The following DCDC2C variants were observed in gnomAD, a reference collection of about 807,000 sequenced individuals.
DCDC2C encodes doublecortin domain containing 2C.
A neutral mutation model predicts 45.0 loss-of-function variants in DCDC2C; 44 were observed. That is an observed-to-expected ratio of 0.98 (90% CI 0.77 to 1.26). DCDC2C has a LOEUF of 1.26. Ranked by LOEUF, DCDC2C falls within the 50% of genes most tolerant of loss-of-function variation. The pLI is 0.00. For synonymous variants in DCDC2C, 187 were observed against 178.8 expected (o/e 1.05, Z -0.37); for missense variants, 447 against 468.9 (o/e 0.95, Z 0.43).
At chr2:3,840,774 C>T (rs556567096) in intron 10 of DCDC2C, among the ~76,000 whole-genome samples, 3 of 152,348 alleles carry the variant, frequency 2.0e-5, no homozygotes, top group Admixed American at 1.3e-4. Context: ...TGCTCACTCA[C>T]GGAGACCTCT....
intron 5 of DCDC2C, among the ~76,000 whole-genome samples, chr2:3,754,217 G>A (rs1669620581): frequency 6.6e-6 from 1 of 152,210 alleles, no homozygotes; most frequent in African/African-American, 2.4e-5. Flanking sequence ...CCAAGGAGGT[G>A]CTCTGAATTT....
intron 2 of DCDC2C, among the ~76,000 whole-genome samples, chr2:3,711,647 G>A (rs952825601): frequency 2.0e-5 from 3 of 152,176 alleles, no homozygotes; most frequent in African/African-American, 7.2e-5. Context: ...ATTCCACCAT[G>A]TGAGTTTATC....
At chr2:3,831,989 C>T (rs1022942706) in intron 10 of DCDC2C, among the ~76,000 whole-genome samples, 2 of 152,204 alleles carry the variant, frequency 1.3e-5, no homozygotes, top group African/African-American at 2.4e-5. Context: ...GCGTCATGTG[C>T]AGGAATCAGT....
rs2148091126 is a variant in DCDC2C at position 3,734,398 on chromosome 2, T to C, written c.416+7319T>C. Among the ~76,000 whole-genome samples, 1 of 152,216 alleles carries C rather than the reference T, an allele frequency of 6.6e-6. No individual in the cohort carries two copies. The highest frequency in any genetic ancestry group is 2.1e-4 in the South Asian group (1 of 4,824). ...GCAGAGGGGTTTCTGATGAATCTAATCTAGGATGAGACAATCATCTGATGT... is the reference window on the plus strand; with the variant it reads ...GCAGAGGGGTTTCTGATGAATCTAACCTAGGATGAGACAATCATCTGATGT... On this transcript the variant is annotated intron_variant, in intron 3 of 10. Transcript: ENST00000399143. This position sits in a 1 kb window ranked among gnomAD's most constrained non-coding sequence, Gnocchi z 4.2.
At chr2:3,730,384 T>C (rs977762641) in intron 3 of DCDC2C, among the ~76,000 whole-genome samples, 11 of 152,248 alleles carry the variant, frequency 7.2e-5, no homozygotes, top group Non-Finnish European at 1.6e-4. Flanking sequence ...AGTGCTTTTC[T>C]GGAGGTTGTA....
At chr2:3,834,671 G>T (rs985999380) in intron 10 of DCDC2C, among the ~76,000 whole-genome samples, 1 of 152,200 alleles carries the variant, frequency 6.6e-6, no homozygotes, top group South Asian at 2.1e-4. Flanking sequence ...TAGTATTTAA[G>T]ATTCCCATTC....
chr2:3,776,993 T>A (rs1466297319), intron 8 of DCDC2C, among the ~76,000 whole-genome samples: 1 of 152,104 alleles, frequency 6.6e-6, no homozygotes, highest in Non-Finnish European at 1.5e-5. Flanking sequence ...GTCTGGAATC[T>A]CTCCACCCCT....
At chr2:3,826,641 TTC>T (rs1671823664) in intron 10 of DCDC2C, among the ~76,000 whole-genome samples, 1 of 152,130 alleles carries the variant, frequency 6.6e-6, no homozygotes, top group Non-Finnish European at 1.5e-5. Context: ...AGGCTGCATC[TTC>T]TGAGGTTCGA....
intron 5 of DCDC2C, 36 bp downstream of exon 5, chr2:3,752,936 G>C: frequency 6.5e-7 from 1 of 1,533,464 alleles, no homozygotes; most frequent in Non-Finnish European, 8.8e-7. Context: ...CCTGAGTTTT[G>C]GAAAAAAATT....
In DCDC2C at chr2:3,732,914, A is replaced by G. The variant is rs145410493; in HGVS notation, c.416+5835A>G. 1.6e-4 allele frequency among the ~76,000 whole-genome samples: 24 copies of G among 152,346 alleles called. No individual in the cohort carries two copies. The East Asian group carries it at 4.6e-3, about 29-fold the overall frequency. On this transcript the variant is annotated intron_variant, in intron 3 of 10. Transcript: ENST00000399143. ...ATGTGGGCTCTTCCTGAGGTGCCTGATGACTGAGGGTGTAATGGCAATGCA... is the reference window on the plus strand; with the variant it reads ...ATGTGGGCTCTTCCTGAGGTGCCTGGTGACTGAGGGTGTAATGGCAATGCA...
At chr2:3,748,370 T>TGGGGGG (rs1669436244) in intron 4 of DCDC2C, among the ~76,000 whole-genome samples, 1 of 4,376 alleles carries the variant, frequency 2.3e-4, no homozygotes, top group Non-Finnish European at 4.3e-4. Flanking sequence ...GGGGTGGGGG[T>TGGGGGG]GGGGAGTGTG....
intron 3 of DCDC2C, among the ~76,000 whole-genome samples, chr2:3,732,096 G>A (rs1319928140): frequency 1.3e-5 from 2 of 152,172 alleles, no homozygotes; most frequent in East Asian, 1.9e-4. Flanking sequence ...CAGGCAGATC[G>A]AGATGGAGGG....
At chr2:3,728,517 C>T (rs1053770336) in intron 3 of DCDC2C, among the ~76,000 whole-genome samples, 1 of 152,120 alleles carries the variant, frequency 6.6e-6, no homozygotes, top group African/African-American at 2.4e-5. Context: ...TGACCCAGGC[C>T]ATCAATGATC....
Position 3,785,125 on chromosome 2 carries a change from A to G in DCDC2C, c.1065+25A>G, listed in dbSNP as rs1670615985. The G allele has an allele frequency of 9.7e-6, 12 of 1,231,422 alleles. No homozygotes were observed. The African/African-American group carries it at 1.1e-4, about 11-fold the overall frequency. The allele number at this position is 1,231,422 out of a possible 1,614,324, so 76.3% of individuals were successfully genotyped here. On this transcript the variant is annotated intron_variant, in intron 10 of 10. Coordinates refer to ENST00000399143, the MANE Select transcript of DCDC2C (RefSeq NM_001287444.2). ...GGTTTGTATCAACAACAAATGCTGTAGTTTTGCGTTTTCTATTCTGAAGAC... is the reference window on the plus strand; with the variant it reads ...GGTTTGTATCAACAACAAATGCTGTGGTTTTGCGTTTTCTATTCTGAAGAC...
intron 3 of DCDC2C, among the ~76,000 whole-genome samples, chr2:3,736,974 C>T (rs1275757852): frequency 6.6e-6 from 1 of 152,186 alleles, no homozygotes; most frequent in African/African-American, 2.4e-5. Context: ...GCAGATAAGG[C>T]AGGCAGTCAT....
intron 8 of DCDC2C, among the ~76,000 whole-genome samples, chr2:3,777,091 C>T (rs889567940): frequency 3.3e-5 from 5 of 152,296 alleles, no homozygotes; most frequent in African/African-American, 9.6e-5. Context: ...CATGCACTGA[C>T]CCCCAGCAAC....
intron 8 of DCDC2C, among the ~76,000 whole-genome samples, chr2:3,769,650 G>A (rs141980435): frequency 8.5e-5 from 13 of 152,286 alleles, no homozygotes; most frequent in Admixed American, 2.0e-4. Context: ...GTGTGTGACT[G>A]CAAATTTGGC....
chr2:3,767,814 T>G lies in DCDC2C; in HGVS notation c.787T>G (p.Ser263Ala). 6.5e-7 allele frequency: 1 copy of G among 1,547,544 alleles called. No individual in the cohort carries two copies. Among genetic ancestry groups the G allele is most frequent in the Non-Finnish European group, 8.7e-7 (1 of 1,146,218 alleles). Residue 263 changes from serine (S) to alanine (A), a missense_variant, in exon 7 of 11, where the codon TCT (serine) becomes GCT (alanine). Transcript: ENST00000399143. ...TGGCATACCCCCTAAAACACAGGAT[T>G]CTGTTTATTATGCCAAAGAAGAAAA... ...YDGIPPKTQDSVYYAKEEKKK... is the reference protein window; with the variant it reads ...YDGIPPKTQDAVYYAKEEKKK...
rs530298035 is a variant in DCDC2C, at chr2:3,713,877, A to G, written c.339+5277A>G. ...AGTAGTTAGTGCTATTATTATTCATAATGCCTTTAAATTGTAGCTGATCCT... is the reference window on the plus strand; with the variant it reads ...AGTAGTTAGTGCTATTATTATTCATGATGCCTTTAAATTGTAGCTGATCCT... On this transcript the variant is annotated intron_variant, in intron 2 of 10. Coordinates refer to ENST00000399143, the MANE Select transcript of DCDC2C (RefSeq NM_001287444.2). Among the ~76,000 whole-genome samples the G allele has an allele frequency of 2.0e-5, 3 of 152,350 alleles. No individual in the cohort carries two copies. The East Asian group carries it at 5.8e-4, about 29-fold the overall frequency.
Sources: allele counts gnomAD v4.1 joint callset (sites outside exome capture counted in the v4.1 genomes callset), GRCh38; gene constraint gnomAD v4.1.1; non-coding constraint Gnocchi (gnomAD v3.1); transcripts MANE v1.5; gene names NCBI Gene and HGNC (gene_info 2026-07-23, HGNC 2026-07-21).